The following SRP19 variants were observed in gnomAD, a reference collection of about 807,000 sequenced individuals.
SRP19 encodes the protein signal recognition particle 19, also known as signal recognition particle 19 kDa protein.
In SRP19, 11 loss-of-function variants were observed where a neutral mutation model predicts 22.4. The observed-to-expected ratio is 0.49, with a 90% CI of 0.31 to 0.81. The LOEUF (loss-of-function observed/expected upper bound fraction) is 0.81, where lower values mean the gene tolerates loss of function less well. Ranked by LOEUF, SRP19 falls within the 40% of genes least tolerant of loss-of-function variation. The pLI is 0.05. For missense variants in SRP19, 168 were observed against 175.9 expected (o/e 0.96, Z 0.25); for synonymous variants, 61 against 57.6 (o/e 1.06, Z -0.27).
chr5:112,868,307 C>G lies in SRP19; in HGVS notation c.*770C>G, dbSNP rs1767674070. ...CTGAAAGTAGTGATTTTGAGCTATC[C>G]CAATTCCTGTTCTTCCTGAGGCCTG... On this transcript the variant is annotated 3_prime_UTR_variant, in exon 5 of 5. Transcript: ENST00000505459. 1 of 985,656 alleles carries G rather than the reference C, an allele frequency of 1.0e-6. No homozygotes were observed. The highest frequency in any genetic ancestry group is 1.2e-6 in the Non-Finnish European group (1 of 830,198). 61.1% of individuals were successfully genotyped at this position (985,656 alleles called of 1,614,324 possible).
At chr5:112,883,572 C>T (rs992012207) in intron 4 of SRP19, among the ~76,000 whole-genome samples, 8 of 152,192 alleles carry the variant, frequency 5.3e-5, no homozygotes, top group African/African-American at 1.9e-4. Context: ...TTTGGACCTC[C>T]TGTTTCCTAA....
In SRP19 at chr5:112,892,805, G is replaced by A. The variant is rs776196702; in HGVS notation, c.*1198G>A. The A allele has an allele frequency of 5.0e-6, 8 of 1,613,918 alleles. No homozygotes were observed. In the South Asian group the frequency reaches 5.5e-5, roughly 11 times the overall value. On this transcript the variant is annotated 3_prime_UTR_variant, in exon 5 of 5. Transcript: ENST00000391338. ...AGGCAGCGGGGAAGGAGAAACCCTA[G>A]TCCAGACCACACCTACAAAAGAAAT...
rs769239963 is a variant in SRP19, at chr5:112,862,492, C to T, written c.42-16C>T. On this transcript the variant is annotated splice_polypyrimidine_tract_variant and intron_variant, in intron 1 of 4. Coordinates refer to ENST00000505459, the MANE Select transcript of SRP19 (RefSeq NM_003135.3). ...TACTGCTCTAGTGATACCACTTATG[C>T]TATTGTCTATGGCAGGTTTATTTGT... 1 of 1,611,410 alleles carries T rather than the reference C, an allele frequency of 6.2e-7. No homozygotes were observed. The highest frequency in any genetic ancestry group is 8.5e-7 in the Non-Finnish European group (1 of 1,177,614).
rs2545170 is a variant in SRP19 at position 112,868,473 on chromosome 5, G to A, written c.*936G>A. 0.52 allele frequency: 379,666 copies of A among 723,582 alleles called. 103,348 individuals are homozygous for A. Among genetic ancestry groups the A allele is most frequent in the East Asian group, 0.66 (5,052 of 7,650 alleles). 44.8% of individuals were successfully genotyped at this position (723,582 alleles called of 1,614,324 possible). The stretch of plus-strand genomic sequence containing the variant: ...TGGAGTGCAATGGCACGATATCGGC[G>A]TACCACAACCTCTGCATCCCAGGTT... On this transcript the variant is annotated 3_prime_UTR_variant, in exon 5 of 5. Coordinates refer to ENST00000505459, the MANE Select transcript of SRP19 (RefSeq NM_003135.3).
chr5:112,867,873 A>G lies in SRP19; in HGVS notation c.*336A>G, dbSNP rs1462778601. 7.0e-6 allele frequency: 7 copies of G among 1,000,020 alleles called. No individual in the cohort carries two copies. Among genetic ancestry groups the G allele is most frequent in the Non-Finnish European group, 8.4e-6 (7 of 838,028 alleles). The allele number at this position is 1,000,020 out of a possible 1,614,324, so 61.9% of individuals were successfully genotyped here. On this transcript the variant is annotated 3_prime_UTR_variant, in exon 5 of 5. Transcript: ENST00000505459. The stretch of plus-strand genomic sequence containing the variant: ...TAGATTTAAAATAAACATTTTGTCC[A>G]CCTTTTAAGTTAATGAAATAAAATT...
chr5:112,884,113 G>A (rs1768158876), intron 4 of SRP19, among the ~76,000 whole-genome samples: 1 of 152,142 alleles, frequency 6.6e-6, no homozygotes, highest in Non-Finnish European at 1.5e-5. Context: ...AGTGGCCACA[G>A]GCATCTTATT....
downstream of SRP19, among the ~76,000 whole-genome samples, chr5:112,871,848 G>GCTCT (rs1767769464): frequency 6.6e-6 from 1 of 152,110 alleles, no homozygotes; most frequent in Non-Finnish European, 1.5e-5. Context: ...TGGGACTAGA[G>GCTCT]GTACATGGCA....
intron 4 of SRP19, among the ~76,000 whole-genome samples, chr5:112,875,751 G>C (rs1767878970): frequency 6.6e-6 from 1 of 152,042 alleles, no homozygotes; most frequent in Non-Finnish European, 1.5e-5. Context: ...CATGTAAAAA[G>C]TTTACTACAT....
chr5:112,879,330 G>C (rs1172335599), intron 4 of SRP19, among the ~76,000 whole-genome samples: 2 of 151,046 alleles, frequency 1.3e-5, no homozygotes, highest in Admixed American at 6.6e-5. Context: ...GTGTTTGGGG[G>C]GGGGGGCTGG....
Position 112,867,676 on chromosome 5 carries a change from A to G in SRP19, c.*139A>G, listed in dbSNP as rs1367325969. 1.5e-6 allele frequency: 2 copies of G among 1,365,176 alleles called. No homozygotes were observed. Among genetic ancestry groups the G allele is most frequent in the African/African-American group, 1.4e-5 (1 of 69,006 alleles). The allele number at this position is 1,365,176 out of a possible 1,614,324, so 84.6% of individuals were successfully genotyped here. ...AACCCTTGTGCCTCTCATCTTTATCATCGGAGTTGACAGTGAAACAAATTT... is the reference window on the plus strand; with the variant it reads ...AACCCTTGTGCCTCTCATCTTTATCGTCGGAGTTGACAGTGAAACAAATTT... On this transcript the variant is annotated 3_prime_UTR_variant, in exon 5 of 5. Transcript: ENST00000505459.
exon 4 of SRP19, chr5:112,898,201 A>T (rs1005296229): frequency 4.6e-5 from 7 of 152,234 alleles, no homozygotes; most frequent in Admixed American, 2.6e-4. Flanking sequence ...TCTCCTACAG[A>T]CGAGACTCTG....
At chr5:112,888,323 T>C (rs370402678) in intron 4 of SRP19, among the ~76,000 whole-genome samples, 1 of 152,208 alleles carries the variant, frequency 6.6e-6, no homozygotes, top group African/African-American at 2.4e-5. Context: ...AATGCACAAA[T>C]AGCTCACTCC....
rs187800464 is a variant in SRP19, at chr5:112,889,493, C to T, written c.302-2110C>T. On this transcript the variant is annotated intron_variant, in intron 4 of 4. Transcript: ENST00000391338. ...GCAATTCACCAAGAATATTAAAATT[C>T]CTGAACTTGTATATACCTTTGAAAT... Among the ~76,000 whole-genome samples the T allele has an allele frequency of 3.7e-3, 559 of 150,602 alleles. 8 individuals are homozygous for T. Among genetic ancestry groups the T allele is most frequent in the Non-Finnish European group, 5.5e-3 (377 of 67,952 alleles).
downstream of SRP19, chr5:112,897,478 G>A (rs1166253549): frequency 4.6e-5 from 7 of 151,968 alleles, no homozygotes; most frequent in East Asian, 9.7e-4. Flanking sequence ...GCACATGGAG[G>A]TTCTAAATAA....
chr5:112,875,371 GGT>G (rs1767870950), intron 4 of SRP19, among the ~76,000 whole-genome samples: 2 of 104,790 alleles, frequency 1.9e-5, no homozygotes, highest in Admixed American at 1.1e-4. Flanking sequence ...TTTTGTTTTT[GGT>G]TTTTTTTTTT....
At chr5:112,889,173 T>C (rs2150037586) in intron 4 of SRP19, among the ~76,000 whole-genome samples, 1 of 150,898 alleles carries the variant, frequency 6.6e-6, no homozygotes, top group African/African-American at 2.5e-5. Flanking sequence ...TATGTCTTTA[T>C]TAGCAGCATG....
intron 4 of SRP19, among the ~76,000 whole-genome samples, chr5:112,884,598 G>A (rs1363020284): frequency 1.3e-5 from 2 of 152,038 alleles, no homozygotes; most frequent in African/African-American, 4.8e-5. Context: ...TCACAAACAA[G>A]CTGGTCTCAA....
intron 2 of SRP19, among the ~76,000 whole-genome samples, chr5:112,863,766 G>C (rs1466201547): frequency 1.3e-5 from 2 of 152,144 alleles, no homozygotes; most frequent in Admixed American, 6.5e-5. Context: ...CTGGACTCAA[G>C]CCATCCTCCA....
In SRP19 at chr5:112,861,346, C is replaced by A. The variant is rs373526148; in HGVS notation, c.-31C>A. 8.1e-6 allele frequency: 13 copies of A among 1,613,874 alleles called. No individual in the cohort carries two copies. Among genetic ancestry groups the A allele is most frequent in the Admixed American group, 1.7e-5 (1 of 60,010 alleles). ...CGGGTTTCTGCCGGGTTTCTCCCTG[C>A]GGCTCCTGGGTTGTTGAGACTCTTG... On this transcript the variant is annotated 5_prime_UTR_variant, in exon 1 of 5. Coordinates refer to ENST00000505459, the MANE Select transcript of SRP19 (RefSeq NM_003135.3).
Sources: allele counts gnomAD v4.1 joint callset (sites outside exome capture counted in the v4.1 genomes callset), GRCh38; gene constraint gnomAD v4.1.1; transcripts MANE v1.5; gene names NCBI Gene and HGNC (gene_info 2026-07-23, HGNC 2026-07-21).